TRA2A: variants seen among roughly 807,000 people sequenced by gnomAD.
The protein encoded by TRA2A is transformer-2 protein homolog alpha.
Under a neutral mutation model 45.7 loss-of-function variants are expected in TRA2A, and 31 were observed. The ratio of observed to expected loss-of-function variants is 0.68; its 90% CI spans 0.51 to 0.92. TRA2A has a LOEUF of 0.92. Among genes scored for constraint, TRA2A ranks in the 40% least tolerant of loss-of-function variants. The pLI, the probability that TRA2A is intolerant of heterozygous loss-of-function variation, is 0.00. For missense variants in TRA2A, 304 were observed against 367.5 expected (o/e 0.83, Z 1.41); for synonymous variants, 132 against 126.2 (o/e 1.05, Z -0.31).
Position 23,505,500 on chromosome 7 carries a change from T to TAAAAAAAAAAA in TRA2A, c.*48_*58dup. 1.1e-5 allele frequency: 4 copies of TAAAAAAAAAAA among 350,784 alleles called. No homozygotes were observed. Among genetic ancestry groups the TAAAAAAAAAAA allele is most frequent in the Non-Finnish European group, 1.4e-5 (3 of 209,314 alleles). The allele number at this position is 350,784 out of a possible 1,614,324, so 21.7% of individuals were successfully genotyped here. On this transcript the variant is annotated 3_prime_UTR_variant, in exon 8 of 8. Transcript: ENST00000297071. ...CCACAGCTTGGGGAAATCTCAGAAT[T>TAAAAAAAAAAA]AAAAAAAAAAAAAAAAAAAAGAGGA...
At chr7:23,515,170 C>T (rs751831956) in intron 3 of TRA2A, among the ~76,000 whole-genome samples, 27 of 151,968 alleles carry the variant, frequency 1.8e-4, no homozygotes, top group Non-Finnish European at 3.8e-4. Context: ...TGAATATAAC[C>T]CAGTATTCCC....
At chr7:23,521,669 CAGA>C in intron 2 of TRA2A, 35 bp downstream of exon 2, 4 of 1,603,826 alleles carry the variant, frequency 2.5e-6, no homozygotes, top group African/African-American at 2.7e-5. Flanking sequence ...TCAAAAACCC[CAGA>C]AGAATATTTT....
At position 23,505,348 on chromosome 7, in the gene TRA2A, A is replaced by T; in HGVS notation, c.*211T>A. The T allele has an allele frequency of 2.3e-6, 1 of 426,042 alleles. No individual in the cohort carries two copies. Among genetic ancestry groups the T allele is most frequent in the Non-Finnish European group, 4.2e-6 (1 of 238,652 alleles). The allele number at this position is 426,042 out of a possible 1,614,324, so 26.4% of individuals were successfully genotyped here. A position where few individuals can be genotyped will look rare whatever the true frequency, so the allele number is the denominator to read the frequency against. On this transcript the variant is annotated 3_prime_UTR_variant, in exon 8 of 8. Coordinates refer to ENST00000297071, the MANE Select transcript of TRA2A (RefSeq NM_013293.5). ...GTTCTTTTTATACTCAAGATGTTTA[A>T]CTGTTCAAAATGACAACAATTACAT...
intron 3 of TRA2A, among the ~76,000 whole-genome samples, chr7:23,513,980 A>T (rs536332704): frequency 6.6e-6 from 1 of 152,338 alleles, no homozygotes; most frequent in East Asian, 1.9e-4. Context: ...TGTTTGGACC[A>T]GTATAAGCAT....
At chr7:23,522,603 A>C (rs1444639189) in intron 1 of TRA2A, among the ~76,000 whole-genome samples, 1 of 151,882 alleles carries the variant, frequency 6.6e-6, no homozygotes, top group Non-Finnish European at 1.5e-5. Flanking sequence ...AATTGTTCAA[A>C]ACTCTAGTTT....
chr7:23,526,035 C>A (rs1790327920), intron 1 of TRA2A, among the ~76,000 whole-genome samples: 1 of 152,148 alleles, frequency 6.6e-6, no homozygotes. Flanking sequence ...TAAGAATTGT[C>A]TTTCTGTGTT....
intron 3 of TRA2A, among the ~76,000 whole-genome samples, chr7:23,513,907 G>A (rs1255943715): frequency 6.6e-6 from 1 of 152,108 alleles, no homozygotes; most frequent in African/African-American, 2.4e-5. Context: ...GTAATTTGTG[G>A]AATGTTGAGA....
At position 23,528,673 on chromosome 7, in the gene TRA2A, C is replaced by CT. The variant is rs943208013; in HGVS notation, c.36+3115dup. 6.7e-3 allele frequency among the ~76,000 whole-genome samples: 960 copies of CT among 143,854 alleles called. 13 individuals are homozygous for CT. Among genetic ancestry groups the CT allele is most frequent in the African/African-American group, 0.021 (849 of 39,498 alleles). The allele number at this position is 143,854 out of a possible 152,430, so 94.4% of individuals were successfully genotyped here. A position where few individuals can be genotyped will look rare whatever the true frequency, so the allele number is the denominator to read the frequency against. On this transcript the variant is annotated intron_variant, in intron 1 of 7. Coordinates refer to ENST00000297071, the MANE Select transcript of TRA2A (RefSeq NM_013293.5). ...AATTGATACAGATAAATTTGTTTGC[C>CT]TTTTTTTTTTTCGAGACAGAGTCTT...
intron 4 of TRA2A, among the ~76,000 whole-genome samples, chr7:23,511,813 G>T (rs1171685889): frequency 6.6e-6 from 1 of 152,134 alleles, no homozygotes; most frequent in African/African-American, 2.4e-5. Flanking sequence ...AGTTCATTGT[G>T]TTAGGCAAGT....
chr7:23,520,713 G>C (rs1042921573), intron 2 of TRA2A, among the ~76,000 whole-genome samples: 1 of 118,732 alleles, frequency 8.4e-6, no homozygotes, highest in Non-Finnish European at 1.8e-5. Flanking sequence ...TTTTTAAAAA[G>C]AAAGAGTCTC....
intron 1 of TRA2A, among the ~76,000 whole-genome samples, chr7:23,525,819 C>G (rs1020222867): frequency 6.6e-6 from 1 of 152,208 alleles, no homozygotes; most frequent in Non-Finnish European, 1.5e-5. Context: ...TGGCCTCGAA[C>G]TCCTGACCTC....
chr7:23,505,585 C>CAAAAAAAAAAA lies in TRA2A; in HGVS notation c.839-27_839-17dup, dbSNP rs5882904. On this transcript the variant is annotated splice_polypyrimidine_tract_variant and intron_variant, in intron 7 of 7. Transcript: ENST00000297071. Reference sequence around the variant, plus strand: ...CAATAGCGTCCTAAAAGAGAAAAAGCAAAAAAAAAAAAAAAAAAAAAAAGT... The same window carrying CAAAAAAAAAAA: ...CAATAGCGTCCTAAAAGAGAAAAAGCAAAAAAAAAAAAAAAAAAAAAAAAAAAAAAAAAAGT... 20 of 244,988 alleles carry CAAAAAAAAAAA rather than the reference C, an allele frequency of 8.2e-5. 1 individual carries two copies. Among genetic ancestry groups the CAAAAAAAAAAA allele is most frequent in the African/African-American group, 1.7e-4 (3 of 18,106 alleles). The allele number at this position is 244,988 out of a possible 1,614,324, so 15.2% of individuals were successfully genotyped here. A position where few individuals can be genotyped will look rare whatever the true frequency, so the allele number is the denominator to read the frequency against.
In TRA2A at chr7:23,506,202, A is replaced by T; in HGVS notation, c.706T>A (p.Ser236Thr). 2 of 1,613,614 alleles carry T rather than the reference A, an allele frequency of 1.2e-6. No individual in the cohort carries two copies. The highest frequency in any genetic ancestry group is 1.7e-6 in the Non-Finnish European group (2 of 1,179,732). The change falls in exon 6 of 8, where the codon TCT becomes ACT. Residue 236 changes from serine (S) to threonine (T), a missense_variant. By Grantham distance (58) the Ser-to-Thr change is moderately conservative. Coordinates refer to ENST00000297071, the MANE Select transcript of TRA2A (RefSeq NM_013293.5). ...GGGGGGRRRDSYYDRGYDRGY... is the reference protein window; with the variant it reads ...GGGGGGRRRDTYYDRGYDRGY... ...CGATCATATCCTCTATCATAGTAAG[A>T]ATCTCGACGTCTGCCACCACCTCCA...
At chr7:23,528,390 T>G (rs911742756) in intron 1 of TRA2A, among the ~76,000 whole-genome samples, 1 of 152,072 alleles carries the variant, frequency 6.6e-6, no homozygotes, top group African/African-American at 2.4e-5. Context: ...GTATTTTTAG[T>G]AGAGACTGTA....
intron 3 of TRA2A, among the ~76,000 whole-genome samples, chr7:23,514,316 A>T (rs1789761843): frequency 6.6e-6 from 1 of 151,986 alleles, no homozygotes. Context: ...GATCCACCCC[A>T]CCCGGCCTAG....
At chr7:23,517,443 A>ACT (rs1310952576) in intron 2 of TRA2A, among the ~76,000 whole-genome samples, 1 of 126,624 alleles carries the variant, frequency 7.9e-6, no homozygotes, top group Non-Finnish European at 1.6e-5. Context: ...GTGCCACCGT[A>ACT]CTCCAGCCTG....
Position 23,531,946 on chromosome 7 carries a change from A to G in TRA2A, c.-122T>C. The G allele has an allele frequency of 2.9e-6, 3 of 1,051,656 alleles. No homozygotes were observed. The highest frequency in any genetic ancestry group is 1.4e-5 in the South Asian group (1 of 73,866). The allele number at this position is 1,051,656 out of a possible 1,614,324, so 65.1% of individuals were successfully genotyped here. ...AAGAGTCGGCAACCACAGCCGCTCCACTCCACTCCCACTCGGTCGCAGGCT... is the reference window on the plus strand; with the variant it reads ...AAGAGTCGGCAACCACAGCCGCTCCGCTCCACTCCCACTCGGTCGCAGGCT... On this transcript the variant is annotated 5_prime_UTR_variant, in exon 1 of 8. Transcript: ENST00000297071.
chr7:23,529,603 A>G (rs902717712), intron 1 of TRA2A, among the ~76,000 whole-genome samples: 4 of 152,172 alleles, frequency 2.6e-5, no homozygotes, highest in Non-Finnish European at 4.4e-5. Flanking sequence ...AGCTTCTCGC[A>G]TTGTTCTAAT....
rs188762636 is a variant in TRA2A, at chr7:23,524,569, T to C, written c.37-2729A>G. Among the ~76,000 whole-genome samples, 4 of 152,360 alleles carry C rather than the reference T, an allele frequency of 2.6e-5. No individual in the cohort carries two copies. In the East Asian group the frequency reaches 7.7e-4, roughly 29 times the overall value. ...TAACCTCCTTTGTTGTCTGCCCTTC[T>C]TTCTTTTTATCTCAGAGGAAATCTC... On this transcript the variant is annotated intron_variant, in intron 1 of 7. Transcript: ENST00000297071.
Sources: gnomAD v4.1 joint callset for allele counts (sites outside exome capture counted in the v4.1 genomes callset) on GRCh38, gnomAD v4.1.1 for gene constraint, MANE v1.5 for transcripts, NCBI Gene and HGNC (gene_info 2026-07-23, HGNC 2026-07-21) for gene names.